The following LMF1 variants were observed in gnomAD, a reference collection of about 807,000 sequenced individuals.
LMF1 encodes lipase maturation factor 1.
A neutral mutation model predicts 60.6 loss-of-function variants in LMF1; 68 were observed. The observed-to-expected ratio is 1.12, with a 90% CI of 0.92 to 1.37. The LOEUF is 1.37. LMF1 is among the 40% of genes most tolerant of loss of function. The pLI, the probability that LMF1 is intolerant of heterozygous loss-of-function variation, is 0.00. For missense variants in LMF1, 948 were observed against 767.2 expected, an observed-to-expected ratio of 1.24 and a Z score of -2.78; for synonymous variants, 418 against 324.7, an observed-to-expected ratio of 1.29 and a Z score of -3.09.
Position 855,783 on chromosome 16 carries a change from G to GC in LMF1, c.1530-1078dup, listed in dbSNP as rs1359004631. 4 of 455,926 alleles carry GC rather than the reference G, an allele frequency of 8.8e-6. No homozygotes were observed. In the East Asian group the frequency reaches 2.8e-4, roughly 32 times the overall value. The allele number at this position is 455,926 out of a possible 1,614,324, so 28.2% of individuals were successfully genotyped here. A position where few individuals can be genotyped will look rare whatever the true frequency, so the allele number is the denominator to read the frequency against. Reference sequence around the variant, plus strand: ...GCCAGAGGCTTCACACTGCACCAGGGCCCGGTAGCGACTGTCTGGGCTGCT... The same window carrying GC: ...GCCAGAGGCTTCACACTGCACCAGGGCCCCGGTAGCGACTGTCTGGGCTGCT... On this transcript the variant is annotated intron_variant, in intron 10 of 10. Coordinates refer to ENST00000262301, the MANE Select transcript of LMF1 (RefSeq NM_022773.4).
chr16:864,279 AT>A, intron 10 of LMF1, among the ~76,000 whole-genome samples: 1 of 152,212 alleles, frequency 6.6e-6, no homozygotes, highest in South Asian at 2.1e-4. Flanking sequence ...ATTTTTTTCT[AT>A]CCTTTTACTT....
chr16:868,942 A>C lies in LMF1; in HGVS notation c.1529+2T>G. 1 of 1,595,164 alleles carries C rather than the reference A, an allele frequency of 6.3e-7. No individual in the cohort carries two copies. The highest frequency in any genetic ancestry group is 8.6e-7 in the Non-Finnish European group (1 of 1,165,422). On this transcript the variant is annotated splice_donor_variant, in intron 10 of 10. Transcript: ENST00000262301. LOFTEE classifies it high-confidence loss of function. ...TGAGCAGCGGCAGGGAGGGCATCCT[A>C]CCTGGGCGGGGGCCTGCCCGCGAAG...
At chr16:967,498 T>C (rs943773295) in intron 1 of LMF1, among the ~76,000 whole-genome samples, 1 of 152,178 alleles carries the variant, frequency 6.6e-6, no homozygotes, top group African/African-American at 2.4e-5. Flanking sequence ...CCGGCACCCA[T>C]GGGCGGCCGG....
intron 3 of LMF1, among the ~76,000 whole-genome samples, chr16:918,489 C>T (rs2071339766): frequency 6.6e-6 from 1 of 152,248 alleles, no homozygotes; most frequent in African/African-American, 2.4e-5. Flanking sequence ...CCAAGTATTT[C>T]ACCTAAGTCA....
At chr16:954,130 G>T in intron 2 of LMF1, 2 of 665,782 alleles carry the variant, frequency 3.0e-6, no homozygotes, top group Middle Eastern at 5.5e-4. Flanking sequence ...AGTCCTTTAA[G>T]TAAGGAAGAG....
At chr16:966,260 G>A (rs1334927190) in intron 1 of LMF1, among the ~76,000 whole-genome samples, 1 of 152,208 alleles carries the variant, frequency 6.6e-6, no homozygotes, top group Non-Finnish European at 1.5e-5. Flanking sequence ...ACTGCAAGCA[G>A]TGCAGGTGGA....
chr16:912,270 C>A (rs1038398092), intron 3 of LMF1, among the ~76,000 whole-genome samples: 6 of 152,042 alleles, frequency 3.9e-5, no homozygotes, highest in Non-Finnish European at 7.4e-5. Flanking sequence ...TGGGAGAGTG[C>A]GGAGGGGAAG....
chr16:949,089 A>G (rs1263244414), intron 2 of LMF1, among the ~76,000 whole-genome samples: 1 of 137,870 alleles, frequency 7.3e-6, no homozygotes, highest in African/African-American at 3.0e-5. Context: ...CGACAGAGTC[A>G]GAGACAATGA....
At chr16:954,290 C>A (rs1356955186) in intron 2 of LMF1, 67 bp downstream of exon 2, 1 of 1,461,942 alleles carries the variant, frequency 6.8e-7, no homozygotes, top group African/African-American at 1.4e-5. Context: ...AGTGCCAGGA[C>A]ACCTGCAGTG....
At chr16:932,510 A>T (rs2071819569) in intron 3 of LMF1, among the ~76,000 whole-genome samples, 1 of 152,232 alleles carries the variant, frequency 6.6e-6, no homozygotes, top group Non-Finnish European at 1.5e-5. Context: ...CCCGCTAGAC[A>T]CAGGTGTCAG....
At chr16:956,262 C>T (rs979766903) in intron 1 of LMF1, among the ~76,000 whole-genome samples, 14 of 151,008 alleles carry the variant, frequency 9.3e-5, no homozygotes, top group African/African-American at 2.7e-4. Flanking sequence ...CACAGGTCTC[C>T]GAGTTCATGT....
At chr16:956,324 T>C (rs1051380939) in intron 1 of LMF1, among the ~76,000 whole-genome samples, 1 of 151,946 alleles carries the variant, frequency 6.6e-6, no homozygotes, top group Admixed American at 6.6e-5. Context: ...ACGTCAGTAT[T>C]TGTAGAACAC....
intron 6 of LMF1, among the ~76,000 whole-genome samples, chr16:877,335 T>C (rs991238218): frequency 2.0e-5 from 3 of 152,162 alleles, no homozygotes; most frequent in Non-Finnish European, 2.9e-5. Context: ...CAAGAAGGAA[T>C]GGAAACTCTG....
intron 10 of LMF1, among the ~76,000 whole-genome samples, chr16:863,501 G>A (rs1324164697): frequency 5.3e-5 from 8 of 152,056 alleles, no homozygotes. Flanking sequence ...CTTACTAGAG[G>A]GTTGCTGATT....
chr16:913,413 A>C (rs577522021), intron 3 of LMF1, among the ~76,000 whole-genome samples: 13 of 152,350 alleles, frequency 8.5e-5, no homozygotes, highest in African/African-American at 2.9e-4. Flanking sequence ...CGGTCCAGGG[A>C]GATGCTCCTG....
chr16:858,542 GC>G (rs200813036), intron 10 of LMF1, among the ~76,000 whole-genome samples: 3 of 20,912 alleles, frequency 1.4e-4, no homozygotes, highest in Non-Finnish European at 1.7e-4. Context: ...GGACGGGTGT[GC>G]AGTGGTGTCT....
At chr16:938,203 G>A (rs1567277016) in intron 2 of LMF1, among the ~76,000 whole-genome samples, 1 of 152,206 alleles carries the variant, frequency 6.6e-6, no homozygotes, top group African/African-American at 2.4e-5. Flanking sequence ...AGGCCGGGAC[G>A]CTGGGTCCCG....
rs7206489 is a variant in LMF1, at chr16:853,638, C to T, written c.*894G>A. 0.028 allele frequency: 12,352 copies of T among 447,932 alleles called. 794 individuals carry two copies. Among genetic ancestry groups the T allele is most frequent in the African/African-American group, 0.17 (8,618 of 49,960 alleles). The allele number at this position is 447,932 out of a possible 1,614,324, so 27.7% of individuals were successfully genotyped here. A position where few individuals can be genotyped will look rare whatever the true frequency, so the allele number is the denominator to read the frequency against. On this transcript the variant is annotated 3_prime_UTR_variant, in exon 11 of 11. Transcript: ENST00000262301. ...CTTCTTCATTTAAACAGTGTGTTTT[C>T]GAGTAAGCTGGTAAGTGGTATAATA...
chr16:884,992 G>C (rs2070266043), intron 5 of LMF1: 1 of 152,282 alleles, frequency 6.6e-6, no homozygotes, highest in South Asian at 2.1e-4. Flanking sequence ...GAAATGGTAA[G>C]TATATGGATA....
Sources: gnomAD v4.1 joint callset for allele counts (sites outside exome capture counted in the v4.1 genomes callset) on GRCh38, gnomAD v4.1.1 for gene constraint, MANE v1.5 for transcripts, NCBI Gene and HGNC (gene_info 2026-07-23, HGNC 2026-07-21) for gene names.